The following TCF20 variants were observed in gnomAD, a reference collection of about 807,000 sequenced individuals.
The protein encoded by TCF20 is SPRE-binding protein.
A neutral mutation model predicts 148.6 loss-of-function variants in TCF20; 3 were observed. The observed-to-expected ratio is 0.02, with a 90% confidence interval of 0.01 to 0.05. The LOEUF (loss-of-function observed/expected upper bound fraction) is 0.05, where lower values mean the gene tolerates loss of function less well. Among genes scored for constraint, TCF20 ranks in the 10% least tolerant of loss-of-function variants. The pLI is 1.00. For missense variants in TCF20, 2,350 were observed against 2,429.3 expected, an observed-to-expected ratio of 0.97 and a Z score of 0.69; for synonymous variants, 1,049 against 909.5, an observed-to-expected ratio of 1.15 and a Z score of -2.76.
chr22:42,187,676 G>A (rs1011091321), intron 2 of TCF20, among the ~76,000 whole-genome samples: 10 of 152,210 alleles, frequency 6.6e-5, no homozygotes, highest in African/African-American at 2.4e-4. Flanking sequence ...CAGCCTGTCT[G>A]CAGTTTATAG....
At chr22:42,288,450 C>T (rs143832330), upstream of TCF20, among the ~76,000 whole-genome samples, 580 of 150,290 alleles carry the variant, frequency 3.9e-3, 7 homozygotes, top group African/African-American at 0.013. Context: ...GCAGAAGAAT[C>T]GCTTAAACCC....
chr22:42,270,824 C>T (rs2147003381), upstream of TCF20, among the ~76,000 whole-genome samples: 1 of 148,246 alleles, frequency 6.7e-6, no homozygotes, highest in East Asian at 2.0e-4. Context: ...TGGCGCGCGC[C>T]GGGTAGGGAT....
At chr22:42,200,413 G>A (rs1024594798) in intron 2 of TCF20, among the ~76,000 whole-genome samples, 14 of 152,066 alleles carry the variant, frequency 9.2e-5, no homozygotes, top group African/African-American at 3.4e-4. Flanking sequence ...TTGGGAGGCA[G>A]GTGGATCGCC....
At chr22:42,291,228 G>A (rs1228807196) in intron 1 of TCF20, among the ~76,000 whole-genome samples, 1 of 152,206 alleles carries the variant, frequency 6.6e-6, no homozygotes, top group Non-Finnish European at 1.5e-5. Context: ...AATGCATGAT[G>A]TTACTTAAGA....
At chr22:42,320,431 T>C (rs1457052606) in intron 1 of TCF20, among the ~76,000 whole-genome samples, 1 of 152,170 alleles carries the variant, frequency 6.6e-6, no homozygotes, top group Non-Finnish European at 1.5e-5. Flanking sequence ...CACCAGCTCC[T>C]TCCCTCCTTC....
chr22:42,183,529 G>A (rs920083381), intron 2 of TCF20, among the ~76,000 whole-genome samples: 3 of 152,156 alleles, frequency 2.0e-5, no homozygotes, highest in Non-Finnish European at 4.4e-5. Context: ...GAAGGGACAG[G>A]GCGGCAGCTG....
intron 1 of TCF20, among the ~76,000 whole-genome samples, chr22:42,289,905 C>G (rs1388170048): frequency 1.3e-5 from 2 of 152,234 alleles, no homozygotes; most frequent in Non-Finnish European, 2.9e-5. Flanking sequence ...CCGGAGGCTG[C>G]TACTTAGCGC....
intron 1 of TCF20, among the ~76,000 whole-genome samples, chr22:42,236,667 T>C (rs557049804): frequency 8.5e-5 from 13 of 152,248 alleles, no homozygotes; most frequent in African/African-American, 3.1e-4. Flanking sequence ...CAATCCTAAA[T>C]TTTGAAAATA....
At position 42,293,005 on chromosome 22, in the gene TCF20, G is replaced by A. The variant is rs1927160998; in HGVS notation, c.-37+50474C>T. On this transcript the variant is annotated intron_variant, in intron 1 of 1. Transcript: ENST00000515426. ...GCAGGGCAGAAAGGCCAGGGAGTGGGGCCCAGCTCTGGGGCAAGGCAGGGC... is the reference window on the plus strand; with the variant it reads ...GCAGGGCAGAAAGGCCAGGGAGTGGAGCCCAGCTCTGGGGCAAGGCAGGGC... 2.0e-5 allele frequency among the ~76,000 whole-genome samples: 3 copies of A among 151,978 alleles called. No individual in the cohort carries two copies. The South Asian group carries it at 6.2e-4, about 32-fold the overall frequency.
chr22:42,339,184 G>T (rs906088498), intron 1 of TCF20, among the ~76,000 whole-genome samples: 2 of 152,178 alleles, frequency 1.3e-5, no homozygotes, highest in Non-Finnish European at 2.9e-5. Flanking sequence ...TCCTGGCCTA[G>T]CGCTCGTCCT....
In TCF20 at chr22:42,198,723, G is replaced by A. The variant is rs1209318847; in HGVS notation, c.5655+10928C>T. On this transcript the variant is annotated intron_variant, in intron 2 of 5. Transcript: ENST00000677622. ...GTCGCCCAGGCTGGAGTGCAGTGGCGTGATCTTGGCTCACTGCAAGCTCCG... is the reference window on the plus strand; with the variant it reads ...GTCGCCCAGGCTGGAGTGCAGTGGCATGATCTTGGCTCACTGCAAGCTCCG... 2.0e-5 allele frequency among the ~76,000 whole-genome samples: 3 copies of A among 150,718 alleles called. No individual in the cohort carries two copies. The South Asian group carries it at 6.3e-4, about 32-fold the overall frequency.
At chr22:42,177,411 G>A (rs201500438) in intron 3 of TCF20, among the ~76,000 whole-genome samples, 13 of 152,210 alleles carry the variant, frequency 8.5e-5, no homozygotes, top group East Asian at 7.7e-4. Context: ...GCGAAACTTC[G>A]TCTCAAAAAG....
intron 1 of TCF20, among the ~76,000 whole-genome samples, chr22:42,328,809 G>T (rs776930025): frequency 4.6e-5 from 7 of 152,204 alleles, no homozygotes; most frequent in Non-Finnish European, 2.9e-5. Context: ...CCCCAGACGG[G>T]GGGGAAAGCC....
chr22:42,306,019 TC>T (rs34490048), intron 1 of TCF20, among the ~76,000 whole-genome samples: 1 of 152,120 alleles, frequency 6.6e-6, no homozygotes, highest in Non-Finnish European at 1.5e-5. Flanking sequence ...CTGAGCAATC[TC>T]CCAGATCTGG....
intron 2 of TCF20, among the ~76,000 whole-genome samples, chr22:42,195,038 G>A (rs1937520536): frequency 6.6e-6 from 1 of 151,176 alleles, no homozygotes; most frequent in South Asian, 2.1e-4. Flanking sequence ...TGGTCATTGT[G>A]CATTTCAATG....
At chr22:42,256,880 C>T (rs1298139221) in intron 1 of TCF20, among the ~76,000 whole-genome samples, 1 of 152,114 alleles carries the variant, frequency 6.6e-6, no homozygotes, top group Non-Finnish European at 1.5e-5. Context: ...CTCCAGGAGC[C>T]AGGCACAGTG....
At position 42,214,365 on chromosome 22, in the gene TCF20, T is replaced by TGCTGCC. The variant is rs1289891894; in HGVS notation, c.935_940dup (p.Gln313_Gln314insArgGln). The TGCTGCC allele has an allele frequency of 6.2e-7, 1 of 1,614,250 alleles. No homozygotes were observed. The highest frequency in any genetic ancestry group is 1.1e-5 in the South Asian group (1 of 91,086). On this transcript the variant is annotated inframe_insertion, in exon 2 of 6. Transcript: ENST00000677622. ...TTGTTGTTGCTGCGGTTGCTGCTGC[T>TGCTGCC]GCTGCCCCTGTTGGGTCCCTTGTGG... is the stretch of plus-strand genomic sequence containing the variant.
At position 42,243,292 on chromosome 22, in the gene TCF20, C is replaced by CAAAAAAAAAAAAAAAAAAAAAA. The variant is rs3045578; in HGVS notation, c.-37+27025_-37+27046dup. Among the ~76,000 whole-genome samples the CAAAAAAAAAAAAAAAAAAAAAA allele has an allele frequency of 2.8e-4, 11 of 39,498 alleles. 2 individuals are homozygous for CAAAAAAAAAAAAAAAAAAAAAA. Among genetic ancestry groups the CAAAAAAAAAAAAAAAAAAAAAA allele is most frequent in the Admixed American group, 9.0e-4 (2 of 2,230 alleles). 25.9% of individuals were successfully genotyped at this position (39,498 alleles called of 152,430 possible). ...TGGCTGGCAGAGCAAGACACTGTCT[C>CAAAAAAAAAAAAAAAAAAAAAA]AAAAAAAAAAAAAAAAAAAAAAAAA... On this transcript the variant is annotated intron_variant, in intron 1 of 5. Transcript: ENST00000677622.
Position 42,212,311 on chromosome 22 carries a change from C to T in TCF20, c.2995G>A (p.Glu999Lys), listed in dbSNP as rs1419670825. The stretch of plus-strand genomic sequence containing the variant: ...GAAGGGGACCGACCCCTCATGCCCT[C>T]CCGACCACCAACTCTGCCAGGGACC... ...RRVPGRVGGR[E>K]GMRGRSPSQY... is the part of the protein sequence containing the mutation. Residue 999 changes from glutamate to lysine, a missense_variant, in exon 2 of 6, where the codon GAG becomes AAG. Glu to Lys is a moderately conservative substitution (Grantham distance 56). Transcript: ENST00000677622. The T allele has an allele frequency of 2.5e-6, 4 of 1,614,084 alleles. No individual in the cohort carries two copies. The highest frequency in any genetic ancestry group is 3.4e-6 in the Non-Finnish European group (4 of 1,180,038).
Sources: allele counts gnomAD v4.1 joint callset (sites outside exome capture counted in the v4.1 genomes callset), GRCh38; gene constraint gnomAD v4.1.1; transcripts MANE v1.5; gene names NCBI Gene and HGNC (gene_info 2026-07-23, HGNC 2026-07-21).